Variants in SRGAP3 observed in about 807,000 individuals in gnomAD.
SRGAP3 encodes the protein SLIT-ROBO Rho GTPase-activating protein 3.
SRGAP3 carries 39 observed loss-of-function variants against 121.1 expected under a neutral mutation model. The observed-to-expected ratio is 0.32, with a 90% CI of 0.25 to 0.42. The LOEUF (loss-of-function observed/expected upper bound fraction) is 0.42. Among genes scored for constraint, SRGAP3 ranks in the 10% least tolerant of loss-of-function variants. The probability of loss-of-function intolerance (pLI) is 1.00; values close to 1 mark genes in which losing one functional copy is unlikely to be tolerated. For synonymous variants in SRGAP3, 601 were observed against 570.0 expected (o/e 1.05, Z -0.77); for missense variants, 1,213 against 1,470.6 (o/e 0.82, Z 2.86).
At chr3:9,237,092 T>C (rs1381355574) in intron 1 of SRGAP3, among the ~76,000 whole-genome samples, 4 of 152,192 alleles carry the variant, frequency 2.6e-5, no homozygotes, top group Admixed American at 1.3e-4. Context: ...CTGCATTACG[T>C]CTCAATCAGG....
chr3:9,332,816 T>C (rs1955631913), intron 1 of SRGAP3, among the ~76,000 whole-genome samples: 1 of 152,212 alleles, frequency 6.6e-6, no homozygotes, highest in Admixed American at 6.5e-5. Context: ...TAAATGCTTC[T>C]TCAATAATAA....
intron 9 of SRGAP3, chr3:9,049,500 G>T (rs1029732576): frequency 4.4e-6 from 2 of 455,972 alleles, no homozygotes; most frequent in African/African-American, 4.0e-5. Context: ...GCTCAGAACT[G>T]TGGTCACTCA....
chr3:9,197,822 A>C (rs987539389), intron 1 of SRGAP3, among the ~76,000 whole-genome samples: 1 of 152,274 alleles, frequency 6.6e-6, no homozygotes, highest in Admixed American at 6.5e-5. Flanking sequence ...TTGTGTTAAA[A>C]GTTTAAAGGG....
chr3:9,120,980 A>C (rs1397356435), intron 2 of SRGAP3, among the ~76,000 whole-genome samples: 1 of 152,112 alleles, frequency 6.6e-6, no homozygotes, highest in Non-Finnish European at 1.5e-5. Context: ...CCTTAGGGAG[A>C]CACGGCCCAT....
At chr3:9,012,742 G>A (rs1275468929) in intron 17 of SRGAP3, among the ~76,000 whole-genome samples, 1 of 152,218 alleles carries the variant, frequency 6.6e-6, no homozygotes, top group East Asian at 1.9e-4. Flanking sequence ...CACATGGCCA[G>A]TTAAAGCATT....
intron 1 of SRGAP3, among the ~76,000 whole-genome samples, chr3:9,154,998 GTTTT>G (rs1950359808): frequency 6.9e-6 from 1 of 145,078 alleles, no homozygotes; most frequent in African/African-American, 2.7e-5. Context: ...TATGTTTTTT[GTTTT>G]TTGTTTTTTT....
chr3:9,214,610 A>G (rs905049927), intron 1 of SRGAP3, among the ~76,000 whole-genome samples: 4 of 152,224 alleles, frequency 2.6e-5, no homozygotes, highest in Non-Finnish European at 5.9e-5. Flanking sequence ...CCATTTTAGA[A>G]ATCACTGAAA....
intron 1 of SRGAP3, among the ~76,000 whole-genome samples, chr3:9,131,497 G>T (rs1575120020): frequency 7.3e-6 from 1 of 136,202 alleles, no homozygotes; most frequent in African/African-American, 2.8e-5. Context: ...GGAGTGCAGT[G>T]GTGCGATCTC....
chr3:9,049,991 C>A (rs981650263), intron 9 of SRGAP3, among the ~76,000 whole-genome samples: 2 of 152,122 alleles, frequency 1.3e-5, no homozygotes, highest in African/African-American at 4.8e-5. Context: ...AGCCACACAC[C>A]ACCATGGCCA....
intron 1 of SRGAP3, among the ~76,000 whole-genome samples, chr3:9,153,856 C>A (rs574617885): frequency 1.3e-5 from 2 of 152,220 alleles, no homozygotes; most frequent in East Asian, 3.9e-4. Context: ...GACTGTGGCC[C>A]GACAGGCTGA....
chr3:9,202,008 T>G (rs1367801727), intron 1 of SRGAP3, among the ~76,000 whole-genome samples: 5 of 151,870 alleles, frequency 3.3e-5, no homozygotes, highest in Non-Finnish European at 1.5e-5. Context: ...AGTCGAATGC[T>G]TCTTTTGCTA....
At chr3:9,048,936 A>G (rs1263180780) in intron 9 of SRGAP3, among the ~76,000 whole-genome samples, 1 of 152,222 alleles carries the variant, frequency 6.6e-6, no homozygotes, top group African/African-American at 2.4e-5. Flanking sequence ...AAAGGGGGCC[A>G]CATGGGGACC....
At chr3:9,203,742 C>A (rs1357667900) in intron 1 of SRGAP3, among the ~76,000 whole-genome samples, 1 of 152,354 alleles carries the variant, frequency 6.6e-6, no homozygotes, top group East Asian at 1.9e-4. Context: ...AGGTTCAAAA[C>A]TATTTGGGAA....
chr3:9,208,677 G>A (rs1310171367), intron 1 of SRGAP3, among the ~76,000 whole-genome samples: 1 of 152,198 alleles, frequency 6.6e-6, no homozygotes, highest in Non-Finnish European at 1.5e-5. Context: ...TTATTGGTCA[G>A]TGCTAGGCCA....
rs577302251 is a variant in SRGAP3, at chr3:9,237,233, A to G, written c.67+11652T>C. 2.0e-5 allele frequency among the ~76,000 whole-genome samples: 3 copies of G among 152,326 alleles called. No homozygotes were observed. In the East Asian group the frequency reaches 5.8e-4, roughly 29 times the overall value. Reference sequence around the variant, plus strand: ...TTCAACAAAAATTGTGACCATTGGCACCTAGAACACCCATTGCCCCCAGGG... The same window carrying G: ...TTCAACAAAAATTGTGACCATTGGCGCCTAGAACACCCATTGCCCCCAGGG... On this transcript the variant is annotated intron_variant, in intron 1 of 21. Transcript: ENST00000383836.
At chr3:9,350,545 T>C (rs547257729) in intron 1 of SRGAP3, among the ~76,000 whole-genome samples, 6 of 152,228 alleles carry the variant, frequency 3.9e-5, no homozygotes, top group Non-Finnish European at 5.9e-5. Context: ...CCCAGTACAA[T>C]GGGTTTAGTG....
chr3:9,208,134 C>G (rs1043576944), intron 1 of SRGAP3, among the ~76,000 whole-genome samples: 9 of 152,106 alleles, frequency 5.9e-5, no homozygotes, highest in Non-Finnish European at 1.0e-4. Context: ...GGCACCGTAG[C>G]CTTCCTGAGG....
At chr3:9,123,372 A>ATATATATATATATATATATATATATATAT (rs1553670439) in intron 2 of SRGAP3, among the ~76,000 whole-genome samples, 2 of 58,370 alleles carry the variant, frequency 3.4e-5, no homozygotes, top group South Asian at 1.2e-3. Flanking sequence ...ACAATTAAAA[A>ATATATATATATATATATATATATATATAT]ATATATATAT....
intron 3 of SRGAP3, among the ~76,000 whole-genome samples, chr3:9,280,668 T>C (rs368913111): frequency 1.2e-4 from 19 of 152,350 alleles, no homozygotes; most frequent in African/African-American, 4.6e-4. Context: ...TGCTTTTCAC[T>C]GCTTGAGAGT....
Sources: allele counts gnomAD v4.1 joint callset (sites outside exome capture counted in the v4.1 genomes callset), GRCh38; gene constraint gnomAD v4.1.1; transcripts MANE v1.5; gene names NCBI Gene and HGNC (gene_info 2026-07-23, HGNC 2026-07-21).